GRK5: variants seen among roughly 807,000 people sequenced by gnomAD.
GRK5 encodes the protein G protein-coupled receptor kinase 5.
A neutral mutation model predicts 78.4 loss-of-function variants in GRK5; 40 were observed. The ratio of observed to expected loss-of-function variants is 0.51; its 90% confidence interval spans 0.40 to 0.66. GRK5 has a LOEUF of 0.66. Among genes scored for constraint, GRK5 ranks in the 30% least tolerant of loss-of-function variants. The pLI is 0.00. For synonymous variants in GRK5, 289 were observed against 296.8 expected (o/e 0.97, Z 0.27); for missense variants, 598 against 759.9 (o/e 0.79, Z 2.50).
chr10:119,353,665 G>A lies in GRK5; in HGVS notation c.148+27054G>A, dbSNP rs148024232. On this transcript the variant is annotated intron_variant, in intron 2 of 15. Coordinates refer to ENST00000392870, the MANE Select transcript of GRK5 (RefSeq NM_005308.3). Reference sequence around the variant, plus strand: ...TGGAGTGAGGTGGGGAGAATTTGACGCACTCAGAAAGCAGTCAGCTCAGCA... The same window carrying A: ...TGGAGTGAGGTGGGGAGAATTTGACACACTCAGAAAGCAGTCAGCTCAGCA... 2.5e-3 allele frequency among the ~76,000 whole-genome samples: 383 copies of A among 152,272 alleles called. 3 individuals carry two copies. The highest frequency in any genetic ancestry group is 8.5e-3 in the African/African-American group (351 of 41,534).
intron 13 of GRK5, among the ~76,000 whole-genome samples, chr10:119,451,161 C>T (rs1166179815): frequency 6.7e-6 from 1 of 149,816 alleles, no homozygotes; most frequent in East Asian, 2.0e-4. Context: ...GTCATCCCAT[C>T]CCCACACCAC....
Position 119,374,158 on chromosome 10 carries a change from G to A in GRK5, c.149-6657G>A, listed in dbSNP as rs1447593983. ...TAAGTCCCTGTAATCATCTGCATTT[G>A]TGAAGCTGGCATGCCAAGAAGGTTT... is the stretch of plus-strand genomic sequence containing the variant. On this transcript the variant is annotated intron_variant, in intron 2 of 15. Transcript: ENST00000392870. Among the ~76,000 whole-genome samples the A allele has an allele frequency of 2.0e-5, 3 of 152,190 alleles. No homozygotes were observed. In the South Asian group the frequency reaches 6.2e-4, roughly 32 times the overall value.
At chr10:119,422,480 A>G (rs17095994) in intron 4 of GRK5, among the ~76,000 whole-genome samples, 36,912 of 152,146 alleles carry the variant, frequency 0.24, 4,652 homozygotes, top group East Asian at 0.4. Flanking sequence ...GAGGCTGAGC[A>G]GTTAAGACCA....
Position 119,207,714 on chromosome 10 carries a change from G to A in GRK5, c.-204G>A. Reference sequence around the variant, plus strand: ...CACAGAGGGAGGAAGAAGCGGCGGCGGCGGCGGCGGCGGCGGCGGCTCCTC... The same window carrying A: ...CACAGAGGGAGGAAGAAGCGGCGGCAGCGGCGGCGGCGGCGGCGGCTCCTC... On this transcript the variant is annotated 5_prime_UTR_variant, in exon 1 of 16. Transcript: ENST00000392870. 2.2e-6 allele frequency: 1 copy of A among 449,906 alleles called. No homozygotes were observed. The highest frequency in any genetic ancestry group is 2.7e-5 in the South Asian group (1 of 37,622). The allele number at this position is 449,906 out of a possible 1,614,324, so 27.9% of individuals were successfully genotyped here.
intron 2 of GRK5, among the ~76,000 whole-genome samples, chr10:119,353,932 CT>C (rs761463283): frequency 0.039 from 4,218 of 108,712 alleles, 82 homozygotes; most frequent in African/African-American, 0.1. Context: ...TTTTTTCTTT[CT>C]TTTTTTTTTT....
chr10:119,313,028 GGCA>G (rs1422006707), intron 1 of GRK5, among the ~76,000 whole-genome samples: 27 of 151,442 alleles, frequency 1.8e-4, no homozygotes, highest in East Asian at 1.2e-3. Context: ...TAGTGGTAAT[GGCA>G]GTGGTGATGG....
chr10:119,270,430 G>A (rs1418969941), intron 1 of GRK5, among the ~76,000 whole-genome samples: 1 of 152,254 alleles, frequency 6.6e-6, no homozygotes, highest in Non-Finnish European at 1.5e-5. Flanking sequence ...CACTTACATT[G>A]TATTAGGTAT....
intron 4 of GRK5, among the ~76,000 whole-genome samples, chr10:119,416,579 C>T (rs1031860932): frequency 7.5e-5 from 3 of 40,228 alleles, no homozygotes; most frequent in South Asian, 2.3e-3. Context: ...ATTGATCGCT[C>T]TCTCTCTCTC....
chr10:119,236,521 A>G (rs1589694253), intron 1 of GRK5, among the ~76,000 whole-genome samples: 1 of 152,174 alleles, frequency 6.6e-6, no homozygotes. Context: ...GCCCCTACAC[A>G]CTATTTTAAA....
intron 1 of GRK5, among the ~76,000 whole-genome samples, chr10:119,219,021 C>T (rs574970467): frequency 1.2e-3 from 186 of 150,544 alleles, no homozygotes; most frequent in African/African-American, 4.5e-3. Flanking sequence ...CCTCAGTCTC[C>T]CAAGCAGCTG....
chr10:119,260,372 CTTT>C (rs56407821), intron 1 of GRK5, among the ~76,000 whole-genome samples: 7 of 101,434 alleles, frequency 6.9e-5, no homozygotes, highest in Non-Finnish European at 9.5e-5. Flanking sequence ...TAACCGTCTG[CTTT>C]TTTTTTTTTT....
chr10:119,453,487 A>G (rs1247897830), intron 15 of GRK5, among the ~76,000 whole-genome samples: 1 of 152,102 alleles, frequency 6.6e-6, no homozygotes, highest in Non-Finnish European at 1.5e-5. Flanking sequence ...GCCAGCCCAA[A>G]TTCACCCTCC....
chr10:119,222,697 G>A lies in GRK5; in HGVS notation c.52+14728G>A, dbSNP rs557880418. Among the ~76,000 whole-genome samples, 18 of 152,158 alleles carry A rather than the reference G, an allele frequency of 1.2e-4. No homozygotes were observed. The South Asian group carries it at 3.7e-3, about 32-fold the overall frequency. ...TTTTGTTAACAATTGGAGGAGAATG[G>A]CATTTTCTTCTGGGAAACATTTGCA... On this transcript the variant is annotated intron_variant, in intron 1 of 15. Transcript: ENST00000392870.
chr10:119,438,418 A>G (rs965858427), intron 9 of GRK5, among the ~76,000 whole-genome samples: 2 of 152,166 alleles, frequency 1.3e-5, no homozygotes, highest in Non-Finnish European at 2.9e-5. Context: ...TTTGCAGTGG[A>G]GCTCATCTTG....
chr10:119,372,667 A>G (rs1292368331), intron 2 of GRK5, among the ~76,000 whole-genome samples: 1 of 152,156 alleles, frequency 6.6e-6, no homozygotes, highest in Non-Finnish European at 1.5e-5. Flanking sequence ...TTATTATTCT[A>G]CTTTCTACAG....
At chr10:119,210,030 T>C (rs1477477049) in intron 1 of GRK5, among the ~76,000 whole-genome samples, 1 of 152,256 alleles carries the variant, frequency 6.6e-6, no homozygotes, top group Non-Finnish European at 1.5e-5. Context: ...AATTGGGTTT[T>C]TTTCCCAGAG....
At chr10:119,273,041 G>A (rs981650844) in intron 1 of GRK5, among the ~76,000 whole-genome samples, 2 of 152,196 alleles carry the variant, frequency 1.3e-5, no homozygotes, top group Non-Finnish European at 2.9e-5. Context: ...CGGAACCAAA[G>A]ATAATAGTCC....
At chr10:119,301,194 TCAAGAAG>T (rs1289060447) in intron 1 of GRK5, among the ~76,000 whole-genome samples, 3 of 151,346 alleles carry the variant, frequency 2.0e-5, no homozygotes, top group Non-Finnish European at 4.4e-5. Flanking sequence ...GGAACCCTAG[TCAAGAAG>T]CACGTCATCT....
At chr10:119,327,282 T>TGTGGTGAGGAGGCCTGGGTGCC (rs1850695561) in intron 2 of GRK5, among the ~76,000 whole-genome samples, 1 of 152,178 alleles carries the variant, frequency 6.6e-6, no homozygotes. Context: ...AGGACACGGC[T>TGTGGTGAGGAGGCCTGGGTGCC]GTGGTGAGGA....
Sources: gnomAD v4.1 joint callset for allele counts (sites outside exome capture counted in the v4.1 genomes callset) on GRCh38, gnomAD v4.1.1 for gene constraint, MANE v1.5 for transcripts, NCBI Gene and HGNC (gene_info 2026-07-23, HGNC 2026-07-21) for gene names.